Variants in TMEM11 observed in about 807,000 individuals in gnomAD.
TMEM11 encodes the protein transmembrane protein 11, mitochondrial.
TMEM11 carries 1 observed loss-of-function variant against 17.0 expected under a neutral mutation model. That is an observed-to-expected ratio of 0.06 (90% CI 0.02 to 0.28). The LOEUF is 0.28. TMEM11 is among the 10% of genes least tolerant of loss of function. The probability of loss-of-function intolerance (pLI) is 1.00; values close to 1 mark genes in which losing one functional copy is unlikely to be tolerated. For missense variants in TMEM11, 172 were observed against 252.9 expected, an observed-to-expected ratio of 0.68 and a Z score of 2.17; for synonymous variants, 122 against 118.1, an observed-to-expected ratio of 1.03 and a Z score of -0.21.
Position 21,198,157 on chromosome 17 carries a change from G to C in TMEM11, c.*167C>G. The C allele has an allele frequency of 1.2e-6, 1 of 834,268 alleles. No homozygotes were observed. Among genetic ancestry groups the C allele is most frequent in the Non-Finnish European group, 1.8e-6 (1 of 551,126 alleles). 51.7% of individuals were successfully genotyped at this position (834,268 alleles called of 1,614,324 possible). ...ATGGAAATCCACATCTTAGTGTAATGAGCTGAAAAACCCTGGGTACACCCG... is the reference window on the plus strand; with the variant it reads ...ATGGAAATCCACATCTTAGTGTAATCAGCTGAAAAACCCTGGGTACACCCG... On this transcript the variant is annotated 3_prime_UTR_variant, in exon 2 of 2. Transcript: ENST00000317635. The surrounding 1 kb of genome is among the most constrained non-coding windows in gnomAD (Gnocchi z 6.5).
intron 1 of TMEM11, among the ~76,000 whole-genome samples, chr17:21,202,429 G>A (rs369113774): frequency 3.3e-5 from 5 of 152,264 alleles, no homozygotes; most frequent in African/African-American, 1.2e-4. Context: ...ACCTTTCTCT[G>A]CCCAGCAGGC....
intron 1 of TMEM11, among the ~76,000 whole-genome samples, chr17:21,202,102 G>A (rs1402908840): frequency 6.6e-6 from 1 of 152,202 alleles, no homozygotes; most frequent in Non-Finnish European, 1.5e-5. Flanking sequence ...GGAGGGGCGG[G>A]GCCTCCACTC....
chr17:21,207,176 T>G (rs1174343549), intron 1 of TMEM11, among the ~76,000 whole-genome samples: 1 of 152,216 alleles, frequency 6.6e-6, no homozygotes, highest in Non-Finnish European at 1.5e-5. Context: ...TGTGGCATGT[T>G]TATTACTTTT....
chr17:21,209,831 A>G (rs1974983398), intron 1 of TMEM11, among the ~76,000 whole-genome samples: 1 of 152,168 alleles, frequency 6.6e-6, no homozygotes, highest in African/African-American at 2.4e-5. Context: ...TGGCTGCCCT[A>G]ATGGACTGCA....
intron 1 of TMEM11, among the ~76,000 whole-genome samples, chr17:21,208,847 G>A (rs994214766): frequency 6.6e-6 from 1 of 152,242 alleles, no homozygotes; most frequent in Non-Finnish European, 1.5e-5. Context: ...AGCCACAGGA[G>A]TCACAGGAGG....
intron 1 of TMEM11, chr17:21,211,109 G>A (rs751764874): frequency 3.9e-6 from 5 of 1,289,806 alleles, no homozygotes; most frequent in Admixed American, 2.3e-5. Context: ...TCTCAAAGAC[G>A]CCGACAGGAC....
At chr17:21,203,262 C>A (rs1358896090) in intron 1 of TMEM11, among the ~76,000 whole-genome samples, 1 of 152,208 alleles carries the variant, frequency 6.6e-6, no homozygotes, top group Non-Finnish European at 1.5e-5. Context: ...CGTTGGAGCT[C>A]ACCCGGCCAC....
chr17:21,201,263 G>A (rs778092815), intron 1 of TMEM11, among the ~76,000 whole-genome samples: 8 of 152,236 alleles, frequency 5.3e-5, no homozygotes, highest in Non-Finnish European at 1.2e-4. Context: ...CACTGGCTTG[G>A]ACTTGGGCAA....
At chr17:21,199,321 A>G (rs1567634859) in intron 1 of TMEM11, among the ~76,000 whole-genome samples, 1 of 143,926 alleles carries the variant, frequency 6.9e-6, no homozygotes, top group Non-Finnish European at 1.5e-5. Context: ...GGCGAGACTC[A>G]GTCTCAGAAA....
chr17:21,203,798 CTTCTGCTTGT>C (rs1475215079), intron 1 of TMEM11, among the ~76,000 whole-genome samples: 1 of 151,816 alleles, frequency 6.6e-6, no homozygotes, highest in Non-Finnish European at 1.5e-5. Context: ...ATATGGCTTG[CTTCTGCTTGT>C]GGGTCAAACA....
intron 1 of TMEM11, among the ~76,000 whole-genome samples, chr17:21,204,441 A>T (rs979017092): frequency 4.9e-5 from 5 of 102,910 alleles, no homozygotes; most frequent in South Asian, 7.1e-4. Context: ...TCAATAAAAA[A>T]AAAAAAAAAA....
rs556553169 is a variant in TMEM11 at position 21,206,055 on chromosome 17, G to C, written c.63-7215C>G. ...TGAGTCCCTGCTTTTTTTGGGGGGG[G>C]GGTATATATACCCAGAAGTGGAACT... On this transcript the variant is annotated intron_variant, in intron 1 of 1. Coordinates refer to ENST00000317635, the MANE Select transcript of TMEM11 (RefSeq NM_003876.3). Among the ~76,000 whole-genome samples, 378 of 151,872 alleles carry C rather than the reference G, an allele frequency of 2.5e-3. 4 individuals carry two copies. Among genetic ancestry groups the C allele is most frequent in the Middle Eastern group, 0.014 (4 of 292 alleles).
At chr17:21,202,660 T>A (rs757591554) in intron 1 of TMEM11, among the ~76,000 whole-genome samples, 3 of 149,940 alleles carry the variant, frequency 2.0e-5, no homozygotes, top group Admixed American at 1.3e-4. Flanking sequence ...GGTGGGTGCG[T>A]CCACGAGTCC....
intron 1 of TMEM11, among the ~76,000 whole-genome samples, chr17:21,203,694 G>GAAAAAAAAGAAAAAAAAAGA (rs11280581): frequency 2.8e-5 from 4 of 143,650 alleles, no homozygotes; most frequent in Admixed American, 2.1e-4. Context: ...ATGACAGAAA[G>GAAAAAAAAGAAAAAAAAAGA]AAAAAAAAGA....
intron 1 of TMEM11, among the ~76,000 whole-genome samples, chr17:21,206,762 C>T (rs1974947054): frequency 6.6e-6 from 1 of 152,120 alleles, no homozygotes; most frequent in African/African-American, 2.4e-5. Context: ...TCTCGAACTC[C>T]TGATCTCAGG....
intron 1 of TMEM11, among the ~76,000 whole-genome samples, chr17:21,204,156 A>T (rs1974916204): frequency 1.3e-5 from 2 of 150,266 alleles, no homozygotes; most frequent in African/African-American, 4.9e-5. Context: ...AAAAGTGGCC[A>T]GGTGCAGTGG....
At position 21,203,694 on chromosome 17, in the gene TMEM11, GAAAAAAAAGA is replaced by G. The variant is rs11280581; in HGVS notation, c.63-4864_63-4855del. ...TGCACTCCAGCCTGAATGACAGAAAGAAAAAAAAGAAAAAAAAAGAAAAAAGAAACTGCCA... is the reference window on the plus strand; with the variant it reads ...TGCACTCCAGCCTGAATGACAGAAAGAAAAAAAAGAAAAAAGAAACTGCCA... On this transcript the variant is annotated intron_variant, in intron 1 of 1. Transcript: ENST00000317635. 7.4e-3 allele frequency among the ~76,000 whole-genome samples: 1,070 copies of G among 143,740 alleles called. 14 individuals carry two copies. Among genetic ancestry groups the G allele is most frequent in the African/African-American group, 0.025 (955 of 38,414 alleles). The allele number at this position is 143,740 out of a possible 152,430, so 94.3% of individuals were successfully genotyped here. A position where few individuals can be genotyped will look rare whatever the true frequency, so the allele number is the denominator to read the frequency against.
intron 1 of TMEM11, among the ~76,000 whole-genome samples, chr17:21,199,093 G>C (rs1005315641): frequency 6.6e-6 from 1 of 151,936 alleles, no homozygotes; most frequent in African/African-American, 2.4e-5. Context: ...AGGCCGGGGG[G>C]GCGGATCATG....
At chr17:21,203,950 CTTTTTTTTTCCTTTT>C (rs1256033127) in intron 1 of TMEM11, among the ~76,000 whole-genome samples, 1 of 59,722 alleles carries the variant, frequency 1.7e-5, no homozygotes, top group African/African-American at 7.2e-5. Context: ...CATGGGAGAT[CTTTTTTTTTCCTTTT>C]TTTTTTTTTT....
Sources: gnomAD v4.1 joint callset for allele counts (sites outside exome capture counted in the v4.1 genomes callset) on GRCh38, gnomAD v4.1.1 for gene constraint, Gnocchi (gnomAD v3.1) non-coding constraint, MANE v1.5 for transcripts, NCBI Gene and HGNC (gene_info 2026-07-23, HGNC 2026-07-21) for gene names.